Variants in GNL2 observed in about 807,000 individuals in gnomAD.
The protein encoded by GNL2 is G protein nucleolar 2.
Under a neutral mutation model 92.3 loss-of-function variants are expected in GNL2, and 51 were observed. That is an observed-to-expected ratio of 0.55 (90% CI 0.44 to 0.70). The LOEUF (loss-of-function observed/expected upper bound fraction) is 0.70. Ranked by LOEUF, GNL2 falls within the 30% of genes least tolerant of loss-of-function variation. GNL2 has a pLI of 0.00. For synonymous variants in GNL2, 283 were observed against 300.6 expected (o/e 0.94, Z 0.61); for missense variants, 844 against 895.6 (o/e 0.94, Z 0.74).
chr1:37,587,281 A>G (rs1213912127), intron 5 of GNL2, 30 bp downstream of exon 5: 1 of 1,506,830 alleles, frequency 6.6e-7, no homozygotes, highest in South Asian at 1.2e-5. Context: ...AAAAAAAAAC[A>G]AAAACAAAGA....
chr1:37,576,155 A>G (rs1643674296), intron 9 of GNL2: 7 of 356,782 alleles, frequency 2.0e-5, no homozygotes, highest in Non-Finnish European at 3.0e-5. Flanking sequence ...TGTTTATCAA[A>G]ATAAAAGGCT....
chr1:37,594,051 C>T lies in GNL2; in HGVS notation c.65-205G>A, dbSNP rs1002951873. ...CAAAGCTGACCCAATCTTTGATCTT[C>T]GATAGGATTGTATTTGAGAAGAATA... On this transcript the variant is annotated intron_variant, in intron 1 of 15. Coordinates refer to ENST00000373062, the MANE Select transcript of GNL2 (RefSeq NM_013285.3). 23 of 532,092 alleles carry T rather than the reference C, an allele frequency of 4.3e-5. No homozygotes were observed. The Admixed American group carries it at 5.2e-4, about 12-fold the overall frequency. The allele number at this position is 532,092 out of a possible 1,614,324, so 33.0% of individuals were successfully genotyped here. A position where few individuals can be genotyped will look rare whatever the true frequency, so the allele number is the denominator to read the frequency against.
At chr1:37,593,883 A>C in intron 1 of GNL2, 37 bp from the exon 2 acceptor site, 2 of 1,463,652 alleles carry the variant, frequency 1.4e-6, no homozygotes, top group Admixed American at 3.5e-5. Flanking sequence ...ACTATTTGAT[A>C]ACCAACCAGT....
At chr1:37,577,952 G>A (rs1643704524) in intron 8 of GNL2, among the ~76,000 whole-genome samples, 1 of 152,158 alleles carries the variant, frequency 6.6e-6, no homozygotes. Flanking sequence ...TTCCCAGAAT[G>A]ATTAATTGAA....
chr1:37,595,606 T>C (rs1643917901), intron 1 of GNL2, among the ~76,000 whole-genome samples, 153 bp downstream of exon 1: 4 of 152,162 alleles, frequency 2.6e-5, no homozygotes, highest in Admixed American at 2.6e-4. Context: ...AAATATTGCT[T>C]TCCTTTTTCC....
rs143524989 is a variant in GNL2, at chr1:37,574,146, C to A, written c.1416+197G>T. On this transcript the variant is annotated intron_variant, in intron 12 of 15. Coordinates refer to ENST00000373062, the MANE Select transcript of GNL2 (RefSeq NM_013285.3). ...GACCTTGTGATCCACCTACCTCGGC[C>A]TCCCAAAGTGCTGGGATTACAGGCG... 5.2e-3 allele frequency among the ~76,000 whole-genome samples: 797 copies of A among 152,290 alleles called. 6 individuals carry two copies. The highest frequency in any genetic ancestry group is 0.012 in the Admixed American group (190 of 15,298).
intron 2 of GNL2, 96 bp downstream of exon 2, chr1:37,593,665 AG>A (rs1643901459): frequency 6.6e-6 from 5 of 760,052 alleles, no homozygotes; most frequent in African/African-American, 3.5e-5. Flanking sequence ...TCCTATTTGG[AG>A]GAAGTGGGGG....
chr1:37,572,113 G>T (rs928628750), intron 12 of GNL2, among the ~76,000 whole-genome samples: 1 of 152,082 alleles, frequency 6.6e-6, no homozygotes. Flanking sequence ...CTGCCTCAGA[G>T]GCCTTCCCCG....
At chr1:37,573,977 T>C (rs1643635967) in intron 12 of GNL2, among the ~76,000 whole-genome samples, 1 of 152,102 alleles carries the variant, frequency 6.6e-6, no homozygotes, top group Non-Finnish European at 1.5e-5. Context: ...TCACTGCAAC[T>C]TGTCTCCTGG....
At chr1:37,584,975 G>A (rs576090735) in intron 5 of GNL2, among the ~76,000 whole-genome samples, 130 of 151,590 alleles carry the variant, frequency 8.6e-4, no homozygotes, top group Admixed American at 1.8e-3. Context: ...CCAGCCACTC[G>A]GGAGGCTGAG....
chr1:37,590,684 C>T (rs1021243655), intron 4 of GNL2, 22 bp downstream of exon 4: 2 of 1,602,842 alleles, frequency 1.2e-6, no homozygotes, highest in Non-Finnish European at 1.7e-6. Context: ...AATTCCATCA[C>T]CAGGGATATC....
chr1:37,590,450 C>T (rs188206598), intron 4 of GNL2, among the ~76,000 whole-genome samples: 5 of 152,228 alleles, frequency 3.3e-5, no homozygotes, highest in Non-Finnish European at 5.9e-5. Context: ...CATGGAGAAA[C>T]CCAACTAAGG....
chr1:37,583,002 G>C, intron 6 of GNL2, 66 bp from the exon 7 acceptor site: 1 of 1,071,306 alleles, frequency 9.3e-7, no homozygotes, highest in Non-Finnish European at 1.4e-6. Flanking sequence ...ACATTTAAGG[G>C]AGTCTGGGAA....
intron 4 of GNL2, 132 bp from the exon 5 acceptor site, chr1:37,587,627 C>A: frequency 1.9e-6 from 1 of 539,876 alleles, no homozygotes; most frequent in Non-Finnish European, 3.2e-6. Context: ...ATCTGTAAGA[C>A]ATGGTTTCAG....
chr1:37,569,538 A>C, intron 12 of GNL2: 1 of 467,478 alleles, frequency 2.1e-6, no homozygotes, highest in Non-Finnish European at 3.8e-6. Flanking sequence ...ACCAACTAAG[A>C]CTATTTAAAC....
At chr1:37,585,866 C>T (rs528603596) in intron 5 of GNL2, among the ~76,000 whole-genome samples, 22 of 152,194 alleles carry the variant, frequency 1.4e-4, no homozygotes, top group Admixed American at 1.4e-3. Flanking sequence ...ATGAGATGGA[C>T]GAGAATGAGA....
At chr1:37,579,315 A>AG (rs537105704) in intron 8 of GNL2, among the ~76,000 whole-genome samples, 2 of 152,150 alleles carry the variant, frequency 1.3e-5, no homozygotes, top group Non-Finnish European at 2.9e-5. Context: ...TGGGAGGCCG[A>AG]GGGGGGCGGA....
At chr1:37,573,437 G>A (rs531790887) in intron 12 of GNL2, among the ~76,000 whole-genome samples, 2 of 152,300 alleles carry the variant, frequency 1.3e-5, no homozygotes, top group Admixed American at 6.5e-5. Flanking sequence ...GCCTTGTGGC[G>A]GCCCACTGCC....
chr1:37,582,135 G>A, intron 8 of GNL2, 88 bp downstream of exon 8: 2 of 837,526 alleles, frequency 2.4e-6, no homozygotes, highest in Non-Finnish European at 3.8e-6. Flanking sequence ...TAAGAAGTTG[G>A]CAACTTTCTG....
Sources: allele counts gnomAD v4.1 joint callset (sites outside exome capture counted in the v4.1 genomes callset), GRCh38; gene constraint gnomAD v4.1.1; transcripts MANE v1.5; gene names NCBI Gene and HGNC (gene_info 2026-07-23, HGNC 2026-07-21).